Variants in SH3PXD2A observed in about 807,000 individuals in gnomAD.
The protein encoded by SH3PXD2A is SH3 and PX domains 2A.
In SH3PXD2A, 32 loss-of-function variants were observed where a neutral mutation model predicts 115.2. The ratio of observed to expected loss-of-function variants is 0.28; its 90% CI spans 0.21 to 0.37. The LOEUF is 0.37. Among genes scored for constraint, SH3PXD2A ranks in the 10% least tolerant of loss-of-function variants. The pLI is 1.00. For synonymous variants in SH3PXD2A, 610 were observed against 629.1 expected, an observed-to-expected ratio of 0.97 and a Z score of 0.45; for missense variants, 1,328 against 1,498.7, an observed-to-expected ratio of 0.89 and a Z score of 1.88.
At chr10:103,676,916 C>T (rs759677546) in intron 6 of SH3PXD2A, among the ~76,000 whole-genome samples, 34 of 152,178 alleles carry the variant, frequency 2.2e-4, no homozygotes, top group South Asian at 4.1e-4. Context: ...TCCAATTCCC[C>T]CACCCTCCAG....
intron 2 of SH3PXD2A, among the ~76,000 whole-genome samples, chr10:103,771,034 T>C (rs1210383354): frequency 2.0e-5 from 3 of 152,198 alleles, no homozygotes; most frequent in Non-Finnish European, 2.9e-5. Flanking sequence ...GAGAAATGAC[T>C]CCATAGGTTT....
intron 2 of SH3PXD2A, among the ~76,000 whole-genome samples, chr10:103,786,326 C>T (rs1288471022): frequency 1.3e-5 from 2 of 152,134 alleles, no homozygotes; most frequent in East Asian, 3.9e-4. Flanking sequence ...GTGGTGAGAC[C>T]TTGACATCCT....
rs1212428275 is a variant in SH3PXD2A at position 103,840,800 on chromosome 10, T to A, written c.72+14395A>T. On this transcript the variant is annotated intron_variant, in intron 1 of 14. Coordinates refer to ENST00000369774, the MANE Select transcript of SH3PXD2A (RefSeq NM_001394015.1). ...AGGATTAAATGAGTGATGTGCTTAGTGGCGGGCACATCGTTCATGCTGCTG... is the reference window on the plus strand; with the variant it reads ...AGGATTAAATGAGTGATGTGCTTAGAGGCGGGCACATCGTTCATGCTGCTG... Among the ~76,000 whole-genome samples the A allele has an allele frequency of 2.3e-4, 35 of 151,888 alleles. 1 individual carries two copies. The highest frequency in any genetic ancestry group is 2.3e-3 in the Admixed American group (35 of 15,272).
chr10:103,818,010 T>C (rs2039341165), intron 1 of SH3PXD2A, among the ~76,000 whole-genome samples: 2 of 152,250 alleles, frequency 1.3e-5, no homozygotes, highest in Non-Finnish European at 2.9e-5. Flanking sequence ...AGAGTTGCAC[T>C]ATCTGTGAAT....
In SH3PXD2A at chr10:103,637,797, G is replaced by A. The variant is rs372273275; in HGVS notation, c.605-10595C>T. On this transcript the variant is annotated intron_variant, in intron 8 of 14. Coordinates refer to ENST00000369774, the MANE Select transcript of SH3PXD2A (RefSeq NM_001394015.1). ...TCCTGGCCAGGCGCATGGCACCAGC[G>A]CTGCCTACCTACCCATACCACACCC... Among the ~76,000 whole-genome samples, 7 of 152,134 alleles carry A rather than the reference G, an allele frequency of 4.6e-5. No individual in the cohort carries two copies. In the East Asian group the frequency reaches 5.8e-4, roughly 13 times the overall value.
At chr10:103,813,532 G>C (rs1206205437) in intron 1 of SH3PXD2A, among the ~76,000 whole-genome samples, 2 of 152,048 alleles carry the variant, frequency 1.3e-5, no homozygotes, top group African/African-American at 4.8e-5. Context: ...TGCCCAGGCT[G>C]GTCTCAAACT....
At chr10:103,806,303 CCT>C (rs1236433682) in intron 1 of SH3PXD2A, among the ~76,000 whole-genome samples, 3 of 152,024 alleles carry the variant, frequency 2.0e-5, no homozygotes, top group Non-Finnish European at 4.4e-5. Flanking sequence ...TCTCCAGACC[CCT>C]CTCTCTCGTC....
intron 5 of SH3PXD2A, among the ~76,000 whole-genome samples, chr10:103,722,719 G>A (rs930434539): frequency 2.0e-5 from 3 of 152,062 alleles, no homozygotes; most frequent in Non-Finnish European, 4.4e-5. Flanking sequence ...GGGAAGTTAC[G>A]AGGGATCTGC....
chr10:103,612,262 G>A (rs927787714), intron 12 of SH3PXD2A, among the ~76,000 whole-genome samples: 1 of 152,206 alleles, frequency 6.6e-6, no homozygotes, highest in African/African-American at 2.4e-5. Flanking sequence ...GATGATTCTT[G>A]AAGAACGCCC....
intron 8 of SH3PXD2A, among the ~76,000 whole-genome samples, chr10:103,645,255 T>G (rs2037018823): frequency 6.6e-6 from 1 of 152,178 alleles, no homozygotes; most frequent in African/African-American, 2.4e-5. Flanking sequence ...CAATGCGGGA[T>G]CAGCACTGGG....
intron 1 of SH3PXD2A, among the ~76,000 whole-genome samples, chr10:103,805,124 G>T (rs1404938483): frequency 6.6e-6 from 1 of 152,214 alleles, no homozygotes; most frequent in Non-Finnish European, 1.5e-5. Context: ...CTTAACTGAG[G>T]CTTAACACAC....
At chr10:103,773,244 G>GA (rs376460344) in intron 2 of SH3PXD2A, among the ~76,000 whole-genome samples, 11,327 of 146,416 alleles carry the variant, frequency 0.077, 570 homozygotes, top group South Asian at 0.14. Context: ...AAAAAAAAGA[G>GA]AAAAAAAGAG....
intron 3 of SH3PXD2A, among the ~76,000 whole-genome samples, chr10:103,759,646 A>G (rs2038678700): frequency 6.6e-6 from 1 of 152,232 alleles, no homozygotes; most frequent in African/African-American, 2.4e-5. Flanking sequence ...ATCAGCAGCT[A>G]CACACTCTAC....
rs1490820010 is a variant in SH3PXD2A, at chr10:103,767,810, G to GTTTTGTT, written c.154-642_154-641insAACAAAA. Among the ~76,000 whole-genome samples the GTTTTGTT allele has an allele frequency of 1.6e-3, 111 of 67,692 alleles. 1 individual carries two copies. Among genetic ancestry groups the GTTTTGTT allele is most frequent in the African/African-American group, 5.8e-3 (103 of 17,684 alleles). 44.4% of individuals were successfully genotyped at this position (67,692 alleles called of 152,430 possible). ...AGGGTTCTGGAGGAACAACTGTTTTGTTTTTTTTTTTTTTTTTTTTTTTTG... is the reference window on the plus strand; with the variant it reads ...AGGGTTCTGGAGGAACAACTGTTTTGTTTTGTTTTTTTTTTTTTTTTTTTTTTTTTTG... On this transcript the variant is annotated intron_variant, in intron 2 of 14. Coordinates refer to ENST00000369774, the MANE Select transcript of SH3PXD2A (RefSeq NM_001394015.1).
chr10:103,668,833 C>T (rs534467202), intron 6 of SH3PXD2A, among the ~76,000 whole-genome samples, 181 bp from the exon 7 acceptor site: 6 of 152,338 alleles, frequency 3.9e-5, no homozygotes, highest in Non-Finnish European at 4.4e-5. Flanking sequence ...GGCGTGGGCC[C>T]GTGTGATTAC....
chr10:103,644,239 A>G (rs1463633463), intron 8 of SH3PXD2A, among the ~76,000 whole-genome samples: 1 of 151,808 alleles, frequency 6.6e-6, no homozygotes, highest in Non-Finnish European at 1.5e-5. Context: ...CACCTGCCCT[A>G]CTTACCCTTA....
Position 103,801,345 on chromosome 10 carries a change from CA to C in SH3PXD2A, c.89del (p.Val30GlyfsTer60). The C allele has an allele frequency of 6.2e-7, 1 of 1,609,746 alleles. No homozygotes were observed. Among genetic ancestry groups the C allele is most frequent in the Non-Finnish European group, 8.5e-7 (1 of 1,176,052 alleles). ...PSKHYVYIINVTWSDSTSQTI... is the reference protein window; with the variant it reads ...PSKHYVYIINXTWSDSTSQTI... ...TCTGGGAGGTGGAGTCAGACCAGGT[CA>C]CATTGATTATGTATACCTGTGGGAA... On this transcript the variant is annotated frameshift_variant, in exon 2 of 15. Transcript: ENST00000369774. LOFTEE classifies it high-confidence loss of function.
intron 8 of SH3PXD2A, among the ~76,000 whole-genome samples, chr10:103,628,619 G>A (rs945709160): frequency 1.3e-5 from 2 of 152,062 alleles, no homozygotes; most frequent in East Asian, 3.9e-4. Flanking sequence ...AGAGAAGAGA[G>A]GTAACAGGAT....
At chr10:103,655,556 T>C (rs919909823) in intron 8 of SH3PXD2A, among the ~76,000 whole-genome samples, 2 of 152,062 alleles carry the variant, frequency 1.3e-5, no homozygotes, top group Non-Finnish European at 2.9e-5. Flanking sequence ...GTGGATCATT[T>C]GAGGCCAGGA....
Sources: allele counts gnomAD v4.1 joint callset (sites outside exome capture counted in the v4.1 genomes callset), GRCh38; gene constraint gnomAD v4.1.1; transcripts MANE v1.5; gene names NCBI Gene and HGNC (gene_info 2026-07-23, HGNC 2026-07-21).